Variants in MAP3K1 observed in about 807,000 individuals in gnomAD.
MAP3K1 encodes the protein mitogen-activated protein kinase kinase kinase 1.
Under a neutral mutation model 144.2 loss-of-function variants are expected in MAP3K1, and 36 were observed. That is an observed-to-expected ratio of 0.25 (90% CI 0.19 to 0.33). MAP3K1 has a LOEUF of 0.33. Ranked by LOEUF, MAP3K1 falls within the 10% of genes least tolerant of loss-of-function variation. The probability of loss-of-function intolerance (pLI) is 1.00; values close to 1 mark genes in which losing one functional copy is unlikely to be tolerated. For synonymous variants in MAP3K1, 718 were observed against 688.7 expected, an observed-to-expected ratio of 1.04 and a Z score of -0.67; for missense variants, 1,650 against 1,881.9, an observed-to-expected ratio of 0.88 and a Z score of 2.28.
intron 1 of MAP3K1, among the ~76,000 whole-genome samples, chr5:56,823,566 A>C (rs1313782202): frequency 6.6e-6 from 1 of 152,240 alleles, no homozygotes; most frequent in African/African-American, 2.4e-5. Flanking sequence ...TTATTGAATA[A>C]ATGAATGAGA....
intron 1 of MAP3K1, among the ~76,000 whole-genome samples, chr5:56,851,524 T>G (rs1057412291): frequency 6.6e-6 from 1 of 152,240 alleles, no homozygotes; most frequent in African/African-American, 2.4e-5. Context: ...AGGTTGACTT[T>G]TGTTGCTTCT....
chr5:56,891,533 T>G (rs1430438330), intron 19 of MAP3K1, among the ~76,000 whole-genome samples: 1 of 152,182 alleles, frequency 6.6e-6, no homozygotes, highest in Non-Finnish European at 1.5e-5. Flanking sequence ...GCAGAAGCGC[T>G]TTAGTTTAAT....
chr5:56,845,887 C>T (rs768825137), intron 1 of MAP3K1, among the ~76,000 whole-genome samples: 11 of 152,130 alleles, frequency 7.2e-5, no homozygotes, highest in Admixed American at 1.3e-4. Flanking sequence ...TTTTAAACTC[C>T]CTCTGTTGGG....
At chr5:56,890,386 T>C (rs1172715628) in intron 19 of MAP3K1, among the ~76,000 whole-genome samples, 1 of 152,222 alleles carries the variant, frequency 6.6e-6, no homozygotes, top group Non-Finnish European at 1.5e-5. Flanking sequence ...TACTGTAACA[T>C]TTTCAGTTTC....
intron 19 of MAP3K1, among the ~76,000 whole-genome samples, chr5:56,892,309 A>G (rs1389684488): frequency 6.6e-6 from 1 of 152,104 alleles, no homozygotes; most frequent in Non-Finnish European, 1.5e-5. Flanking sequence ...ATGGGAGTTC[A>G]CTCATGATTT....
chr5:56,837,649 C>G (rs1336237356), intron 1 of MAP3K1, among the ~76,000 whole-genome samples: 1 of 152,208 alleles, frequency 6.6e-6, no homozygotes, highest in Non-Finnish European at 1.5e-5. Flanking sequence ...AGGCTTTGTT[C>G]TCAAGTAAAA....
At chr5:56,869,993 G>C (rs1177592655) in intron 6 of MAP3K1, among the ~76,000 whole-genome samples, 2 of 152,158 alleles carry the variant, frequency 1.3e-5, no homozygotes, top group Non-Finnish European at 2.9e-5. Context: ...TTGCTGACTT[G>C]TTTGACTAGC....
At chr5:56,889,937 A>T (rs983423087) in intron 19 of MAP3K1, among the ~76,000 whole-genome samples, 5 of 151,782 alleles carry the variant, frequency 3.3e-5, no homozygotes, top group African/African-American at 1.2e-4. Context: ...TTATCACCTC[A>T]TTTCCTCTAT....
chr5:56,843,037 C>T (rs1746864414), intron 1 of MAP3K1, among the ~76,000 whole-genome samples: 1 of 152,186 alleles, frequency 6.6e-6, no homozygotes, highest in African/African-American at 2.4e-5. Context: ...TCTCTATTGA[C>T]TAAGAAGTCC....
intron 19 of MAP3K1, 30 bp downstream of exon 19, chr5:56,888,387 T>G: frequency 6.2e-7 from 1 of 1,610,486 alleles, no homozygotes; most frequent in South Asian, 1.1e-5. Flanking sequence ...TACTTCTTTG[T>G]GCTAAAAGGA....
rs1415077346 is a variant in MAP3K1, at chr5:56,872,865, A to C, written c.1546A>C (p.Arg516=). 1.2e-6 allele frequency: 2 copies of C among 1,614,110 alleles called. No homozygotes were observed. Among genetic ancestry groups the C allele is most frequent in the Non-Finnish European group, 1.7e-6 (2 of 1,180,042 alleles). ...SSPVDSPSSL[R]AAQQQTVQQQ... ...TCCTGTGGATTCCCCTTCTTCCCTC[A>C]GAGCTGCACAGCAGCAAACCGTACA... Residue 516 remains arginine (R), a synonymous_variant, in exon 9 of 20, where the codon AGA becomes CGA. Coordinates refer to ENST00000399503, the MANE Select transcript of MAP3K1 (RefSeq NM_005921.2).
At chr5:56,835,334 GGA>G (rs1247770451) in intron 1 of MAP3K1, among the ~76,000 whole-genome samples, 3 of 143,038 alleles carry the variant, frequency 2.1e-5, no homozygotes, top group African/African-American at 7.7e-5. Context: ...GAGGAGACAA[GGA>G]GGCAGGGAAG....
Position 56,830,420 on chromosome 5 carries a change from T to C in MAP3K1, c.482+14365T>C, listed in dbSNP as rs1281579092. On this transcript the variant is annotated intron_variant, in intron 1 of 19. Coordinates refer to ENST00000399503, the MANE Select transcript of MAP3K1 (RefSeq NM_005921.2). ...CTCTTTCTTAAACACATACATATACTACCTACCCCACCCCCATGCATATAC... is the reference window on the plus strand; with the variant it reads ...CTCTTTCTTAAACACATACATATACCACCTACCCCACCCCCATGCATATAC... 2.0e-5 allele frequency among the ~76,000 whole-genome samples: 3 copies of C among 152,074 alleles called. No homozygotes were observed. The East Asian group carries it at 5.8e-4, about 29-fold the overall frequency.
chr5:56,821,775 C>A (rs1026853223), intron 1 of MAP3K1, among the ~76,000 whole-genome samples: 1 of 152,178 alleles, frequency 6.6e-6, no homozygotes, highest in Non-Finnish European at 1.5e-5. Context: ...TACTAAACAT[C>A]AGTTGTTAAC....
intron 1 of MAP3K1, among the ~76,000 whole-genome samples, chr5:56,816,352 C>T (rs1475318697): frequency 6.6e-6 from 1 of 152,058 alleles, no homozygotes; most frequent in African/African-American, 2.4e-5. Context: ...GGGGCCACGG[C>T]TGGCTTTGTG....
chr5:56,820,560 AGG>A, intron 1 of MAP3K1: 1 of 985,336 alleles, frequency 1.0e-6, no homozygotes, highest in Non-Finnish European at 1.2e-6. Context: ...TCAGCCAAAG[AGG>A]GTTAGTCATT....
chr5:56,832,195 C>T (rs764062446), intron 1 of MAP3K1, among the ~76,000 whole-genome samples: 9 of 152,132 alleles, frequency 5.9e-5, no homozygotes, highest in Non-Finnish European at 1.3e-4. Context: ...ATATAAAAAC[C>T]TACCCTTTCA....
At chr5:56,853,868 G>T (rs1205362874) in intron 1 of MAP3K1, among the ~76,000 whole-genome samples, 1 of 152,082 alleles carries the variant, frequency 6.6e-6, no homozygotes, top group East Asian at 1.9e-4. Context: ...CTTAGGTTGG[G>T]CTAAACATTT....
chr5:56,835,543 G>T (rs948167607), intron 1 of MAP3K1, among the ~76,000 whole-genome samples: 11 of 152,050 alleles, frequency 7.2e-5, no homozygotes, highest in Non-Finnish European at 1.3e-4. Flanking sequence ...TACAGAGGAC[G>T]TGGGTTAATG....
Sources: allele counts gnomAD v4.1 joint callset (sites outside exome capture counted in the v4.1 genomes callset), GRCh38; gene constraint gnomAD v4.1.1; transcripts MANE v1.5; gene names NCBI Gene and HGNC (gene_info 2026-07-23, HGNC 2026-07-21).